The following KCNQ1 variants were observed in gnomAD, a reference collection of about 807,000 sequenced individuals.
KCNQ1 encodes the protein potassium voltage-gated channel subfamily Q member 1.
KCNQ1 carries 49 observed loss-of-function variants against 72.4 expected under a neutral mutation model. The observed-to-expected ratio is 0.68, with a 90% CI of 0.54 to 0.86. The LOEUF (loss-of-function observed/expected upper bound fraction) is 0.86, where lower values mean the gene tolerates loss of function less well. Among genes scored for constraint, KCNQ1 ranks in the 40% least tolerant of loss-of-function variants. The probability of loss-of-function intolerance (pLI) is 0.00; values close to 1 mark genes in which losing one functional copy is unlikely to be tolerated. For missense variants in KCNQ1, 790 were observed against 945.1 expected (o/e 0.84, Z 2.15); for synonymous variants, 450 against 412.6 (o/e 1.09, Z -1.10).
At chr11:2,453,325 A>G (rs961802383) in intron 1 of KCNQ1, among the ~76,000 whole-genome samples, 3 of 152,152 alleles carry the variant, frequency 2.0e-5, no homozygotes, top group Non-Finnish European at 4.4e-5. Context: ...GTGAGCCGAG[A>G]TCACGCCGTT....
chr11:2,570,427 G>C (rs569741856), intron 2 of KCNQ1, among the ~76,000 whole-genome samples: 1 of 152,368 alleles, frequency 6.6e-6, no homozygotes, highest in Admixed American at 6.5e-5. Flanking sequence ...ACTGCCTATG[G>C]ACATGAGCTG....
At chr11:2,629,988 C>T (rs548246199) in intron 10 of KCNQ1, 5 of 396,758 alleles carry the variant, frequency 1.3e-5, no homozygotes, top group Non-Finnish European at 2.2e-5. Flanking sequence ...ATATCTTTTT[C>T]TTGTTCCTCA....
rs543085584 is a variant in KCNQ1 at position 2,512,733 on chromosome 11, C to G, written c.387-15195C>G. Among the ~76,000 whole-genome samples the G allele has an allele frequency of 3.2e-4, 49 of 152,324 alleles. 1 individual carries two copies. The highest frequency in any genetic ancestry group is 3.4e-3 in the Middle Eastern group (1 of 294). On this transcript the variant is annotated intron_variant, in intron 1 of 15. Transcript: ENST00000155840. ...CAGCCTGCTGTTACAGGGGATGCCT[C>G]AGGGCCACCACTGGTCATGGAGGCT... is the stretch of plus-strand genomic sequence containing the variant.
intron 2 of KCNQ1, among the ~76,000 whole-genome samples, chr11:2,530,324 G>A (rs1364356564): frequency 6.6e-6 from 1 of 152,256 alleles, no homozygotes; most frequent in Admixed American, 6.5e-5. Flanking sequence ...AACTGACAGG[G>A]TTGGCTCAAC....
At position 2,624,423 on chromosome 11, in the gene KCNQ1, A is replaced by C; in HGVS notation, c.1393+35569A>C. 2.5e-6 allele frequency: 1 copy of C among 398,442 alleles called. No homozygotes were observed. Among genetic ancestry groups the C allele is most frequent in the Non-Finnish European group, 4.4e-6 (1 of 226,010 alleles). The allele number at this position is 398,442 out of a possible 1,614,324, so 24.7% of individuals were successfully genotyped here. The stretch of plus-strand genomic sequence containing the variant: ...AGAGCAGAAACTTTTATTTTTAACA[A>C]AGTCTAGCTTATCAATTATTTCTTT... On this transcript the variant is annotated intron_variant, in intron 10 of 15. Coordinates refer to ENST00000155840, the MANE Select transcript of KCNQ1 (RefSeq NM_000218.3). This position sits in a 1 kb window ranked among gnomAD's most constrained non-coding sequence, Gnocchi z 4.9.
intron 11 of KCNQ1, among the ~76,000 whole-genome samples, chr11:2,744,986 A>C (rs988021774): frequency 2.6e-5 from 4 of 151,982 alleles, no homozygotes; most frequent in African/African-American, 9.7e-5. Context: ...CCCTCTTTGC[A>C]CTGATAGTCT....
intron 1 of KCNQ1, among the ~76,000 whole-genome samples, chr11:2,489,983 A>T (rs1846807778): frequency 1.3e-5 from 2 of 152,180 alleles, no homozygotes; most frequent in Non-Finnish European, 1.5e-5. Context: ...CCCTGATTCC[A>T]GGCCTTGGCT....
chr11:2,838,554 C>A (rs900161627), intron 15 of KCNQ1, among the ~76,000 whole-genome samples: 1 of 152,072 alleles, frequency 6.6e-6, no homozygotes, highest in Non-Finnish European at 1.5e-5. Context: ...TGTGGACTTC[C>A]GGGGACAGCG....
At chr11:2,522,200 T>C (rs2283149) in intron 1 of KCNQ1, among the ~76,000 whole-genome samples, 79,864 of 151,706 alleles carry the variant, frequency 0.53, 22,130 homozygotes, top group Non-Finnish European at 0.63. Context: ...CTCATGCAGC[T>C]CCCCGCCCCC....
At chr11:2,733,808 A>ACACACACACACACACACACACT (rs1564875270) in intron 11 of KCNQ1, among the ~76,000 whole-genome samples, 7 of 63,332 alleles carry the variant, frequency 1.1e-4, no homozygotes, top group African/African-American at 5.2e-4. Flanking sequence ...ACACACACAC[A>ACACACACACACACACACACACT]CACACACTCT....
intron 1 of KCNQ1, among the ~76,000 whole-genome samples, chr11:2,474,688 G>T (rs912438426): frequency 2.4e-5 from 1 of 42,182 alleles, no homozygotes; most frequent in South Asian, 9.5e-4. Flanking sequence ...TGGGCTGAGA[G>T]CTTGGGCCCC....
chr11:2,675,447 TC>T, intron 11 of KCNQ1: 1 of 398,566 alleles, frequency 2.5e-6, no homozygotes, highest in Non-Finnish European at 4.4e-6. Context: ...TAAAAGATGA[TC>T]TGAAAATGGA....
At chr11:2,501,325 T>G (rs1847006826) in intron 1 of KCNQ1, among the ~76,000 whole-genome samples, 1 of 61,754 alleles carries the variant, frequency 1.6e-5, no homozygotes, top group Non-Finnish European at 3.6e-5. Flanking sequence ...GTAACTAAAG[T>G]CAGAGACAAA....
chr11:2,573,038 T>C (rs150132041), intron 6 of KCNQ1, 52 bp downstream of exon 6: 1 of 1,591,862 alleles, frequency 6.3e-7, no homozygotes, highest in Admixed American at 1.7e-5. Flanking sequence ...GGCTGAGGAG[T>C]GGGCAGGACA....
intron 7 of KCNQ1, among the ~76,000 whole-genome samples, chr11:2,584,153 T>G (rs1848548326): frequency 6.6e-6 from 1 of 152,230 alleles, no homozygotes; most frequent in Non-Finnish European, 1.5e-5. Flanking sequence ...GTGCATATGT[T>G]GTATTTAGTA....
chr11:2,669,075 G>A lies in KCNQ1; in HGVS notation c.1514+6994G>A, dbSNP rs577007419. The stretch of plus-strand genomic sequence containing the variant: ...CCCGTCCTCTCCCAACTACCCTGCC[G>A]TATCAGTGTCTTTACAATCAGCTCA... On this transcript the variant is annotated intron_variant, in intron 11 of 15. Coordinates refer to ENST00000155840, the MANE Select transcript of KCNQ1 (RefSeq NM_000218.3). This position sits in a 1 kb window ranked among gnomAD's most constrained non-coding sequence, Gnocchi z 5.6. 51 of 398,688 alleles carry A rather than the reference G, an allele frequency of 1.3e-4. No individual in the cohort carries two copies. The highest frequency in any genetic ancestry group is 8.0e-4 in the African/African-American group (39 of 48,738). The allele number at this position is 398,688 out of a possible 1,614,324, so 24.7% of individuals were successfully genotyped here.
intron 15 of KCNQ1, among the ~76,000 whole-genome samples, chr11:2,832,147 C>T (rs567457184): frequency 6.6e-5 from 10 of 152,150 alleles, no homozygotes; most frequent in African/African-American, 1.7e-4. Flanking sequence ...CACACCAGCC[C>T]GGTCCCCACC....
intron 11 of KCNQ1, chr11:2,692,610 C>G (rs1424991519): frequency 2.5e-6 from 1 of 398,650 alleles, no homozygotes; most frequent in African/African-American, 2.1e-5. Flanking sequence ...TGGGTTCCTG[C>G]TATACACCTG....
In KCNQ1 at chr11:2,654,978, T is replaced by A. The variant is rs1188446226; in HGVS notation, c.1394-6983T>A. On this transcript the variant is annotated intron_variant, in intron 10 of 15. Transcript: ENST00000155840. This position sits in a 1 kb window ranked among gnomAD's most constrained non-coding sequence, Gnocchi z 6.4. Reference sequence around the variant, plus strand: ...TGTTTCTTGACTTGGAAAAGTATCATGCAAAATAGAAAACACAGACACAAT... The same window carrying A: ...TGTTTCTTGACTTGGAAAAGTATCAAGCAAAATAGAAAACACAGACACAAT... 2.5e-6 allele frequency: 1 copy of A among 398,440 alleles called. No homozygotes were observed. The highest frequency in any genetic ancestry group is 3.6e-5 in the East Asian group (1 of 28,084). The allele number at this position is 398,440 out of a possible 1,614,324, so 24.7% of individuals were successfully genotyped here. A position where few individuals can be genotyped will look rare whatever the true frequency, so the allele number is the denominator to read the frequency against.
Sources: gnomAD v4.1 joint callset for allele counts (sites outside exome capture counted in the v4.1 genomes callset) on GRCh38, gnomAD v4.1.1 for gene constraint, Gnocchi (gnomAD v3.1) non-coding constraint, MANE v1.5 for transcripts, NCBI Gene and HGNC (gene_info 2026-07-23, HGNC 2026-07-21) for gene names.